TIAM1: variants seen among roughly 807,000 people sequenced by gnomAD.
TIAM1 encodes the protein rho guanine nucleotide exchange factor TIAM1.
In TIAM1, 65 loss-of-function variants were observed where a neutral mutation model predicts 163.5. The ratio of observed to expected loss-of-function variants is 0.40; its 90% CI spans 0.33 to 0.49. The LOEUF (loss-of-function observed/expected upper bound fraction) is 0.49, where lower values mean the gene tolerates loss of function less well. Ranked by LOEUF, TIAM1 falls within the 20% of genes least tolerant of loss-of-function variation. The pLI is 0.77. For missense variants in TIAM1, 1,789 were observed against 2,044.7 expected (o/e 0.87, Z 2.41); for synonymous variants, 833 against 810.1 (o/e 1.03, Z -0.48).
intron 2 of TIAM1, among the ~76,000 whole-genome samples, chr21:31,462,247 GA>G (rs2045355142): frequency 6.6e-6 from 1 of 152,148 alleles, no homozygotes; most frequent in South Asian, 2.1e-4. Context: ...GTACACAAAG[GA>G]GTATGGCTGT....
intron 2 of TIAM1, among the ~76,000 whole-genome samples, chr21:31,402,179 C>G (rs1206260619): frequency 6.6e-6 from 1 of 152,032 alleles, no homozygotes; most frequent in Non-Finnish European, 1.5e-5. Context: ...AGCCACTGCA[C>G]TGCAGCCTGG....
intron 6 of TIAM1, among the ~76,000 whole-genome samples, chr21:31,234,660 C>T (rs2088644166): frequency 6.6e-6 from 1 of 151,912 alleles, no homozygotes; most frequent in Non-Finnish European, 1.5e-5. Flanking sequence ...GTGCACCTGT[C>T]ATCCCAGATA....
chr21:31,410,855 T>C (rs1049636526), intron 2 of TIAM1, among the ~76,000 whole-genome samples: 3 of 151,958 alleles, frequency 2.0e-5, no homozygotes, highest in African/African-American at 7.3e-5. Flanking sequence ...ACCTGGTGGT[T>C]TCCTGTGTCT....
intron 15 of TIAM1, among the ~76,000 whole-genome samples, chr21:31,178,270 T>C (rs1444442196): frequency 6.6e-6 from 1 of 151,590 alleles, no homozygotes; most frequent in Non-Finnish European, 1.5e-5. Context: ...GCAGGTCCAA[T>C]TGGGCTGCTA....
At chr21:31,160,251 G>A (rs1251272258) in intron 16 of TIAM1, among the ~76,000 whole-genome samples, 1 of 152,084 alleles carries the variant, frequency 6.6e-6, no homozygotes, top group East Asian at 1.9e-4. Flanking sequence ...TACCAACTCT[G>A]AACCTCCCCA....
intron 1 of TIAM1, among the ~76,000 whole-genome samples, chr21:31,493,009 T>C (rs1222622534): frequency 6.6e-6 from 1 of 152,158 alleles, no homozygotes; most frequent in Admixed American, 6.6e-5. Context: ...GTCGTTTAAG[T>C]TGATGATGAG....
intron 4 of TIAM1, among the ~76,000 whole-genome samples, chr21:31,262,031 C>T (rs1454385825): frequency 1.3e-5 from 2 of 152,160 alleles, no homozygotes; most frequent in Non-Finnish European, 2.9e-5. Flanking sequence ...CTATAAGGCT[C>T]CATCAAACGG....
chr21:31,495,695 C>T (rs747016856), intron 1 of TIAM1, among the ~76,000 whole-genome samples: 1 of 152,206 alleles, frequency 6.6e-6, no homozygotes, highest in African/African-American at 2.4e-5. Context: ...GGAGGCCAGG[C>T]GCAGTGGCTC....
intron 13 of TIAM1, among the ~76,000 whole-genome samples, chr21:31,189,742 T>C (rs2085466109): frequency 1.3e-5 from 2 of 152,054 alleles, no homozygotes; most frequent in African/African-American, 2.4e-5. Context: ...GCGGCTTCCA[T>C]TTAAAGATGC....
intron 1 of TIAM1, among the ~76,000 whole-genome samples, chr21:31,470,888 G>A (rs2045715011): frequency 6.6e-6 from 1 of 152,108 alleles, no homozygotes. Flanking sequence ...AAGGGGAGCT[G>A]GGCTGGAGGA....
chr21:31,363,206 T>C (rs1472276716), intron 2 of TIAM1, among the ~76,000 whole-genome samples: 4 of 152,152 alleles, frequency 2.6e-5, no homozygotes, highest in Non-Finnish European at 5.9e-5. Flanking sequence ...TGGTTCAAGC[T>C]GGCCTGAGAA....
intron 2 of TIAM1, among the ~76,000 whole-genome samples, chr21:31,451,975 G>C (rs2044877107): frequency 6.6e-6 from 1 of 152,106 alleles, no homozygotes; most frequent in African/African-American, 2.4e-5. Flanking sequence ...GATGCTAATA[G>C]AGATGAAGAA....
At chr21:31,210,679 G>T in intron 10 of TIAM1, among the ~76,000 whole-genome samples, 1 of 70,452 alleles carries the variant, frequency 1.4e-5, no homozygotes. Flanking sequence ...AAGAAAGAAA[G>T]AAAGAAAAAG....
At chr21:31,273,306 T>G (rs758208399) in intron 3 of TIAM1, among the ~76,000 whole-genome samples, 1 of 151,846 alleles carries the variant, frequency 6.6e-6, no homozygotes, top group African/African-American at 2.4e-5. Context: ...AGTGTGGAGA[T>G]CTTAGAGAAA....
chr21:31,482,353 C>T (rs764915004), intron 1 of TIAM1, among the ~76,000 whole-genome samples: 33 of 152,122 alleles, frequency 2.2e-4, no homozygotes, highest in Non-Finnish European at 3.4e-4. Flanking sequence ...GGTTTCACCA[C>T]GCTGTCCAGG....
At chr21:31,533,379 G>C (rs911109675) in intron 1 of TIAM1, among the ~76,000 whole-genome samples, 4 of 152,116 alleles carry the variant, frequency 2.6e-5, no homozygotes, top group African/African-American at 9.7e-5. Flanking sequence ...AAGTTAAAAG[G>C]TTAAACAGAA....
chr21:31,243,613 CACA>C (rs1212900919), intron 6 of TIAM1, among the ~76,000 whole-genome samples: 2 of 152,190 alleles, frequency 1.3e-5, no homozygotes, highest in African/African-American at 4.8e-5. Flanking sequence ...TACTAGTACC[CACA>C]ACAATTTTTA....
intron 1 of TIAM1, among the ~76,000 whole-genome samples, chr21:31,520,749 G>A (rs979751547): frequency 1.3e-5 from 2 of 152,222 alleles, no homozygotes; most frequent in African/African-American, 4.8e-5. Context: ...CGTGCGATTG[G>A]AGATTTATAT....
intron 2 of TIAM1, among the ~76,000 whole-genome samples, chr21:31,423,461 A>G (rs910638715): frequency 6.6e-6 from 1 of 152,006 alleles, no homozygotes. Flanking sequence ...TCCCTGCCCC[A>G]TCATTATACA....
Sources: gnomAD v4.1 joint callset for allele counts (sites outside exome capture counted in the v4.1 genomes callset) on GRCh38, gnomAD v4.1.1 for gene constraint, MANE v1.5 for transcripts, NCBI Gene and HGNC (gene_info 2026-07-23, HGNC 2026-07-21) for gene names.